SCAF8: variants seen among roughly 807,000 people sequenced by gnomAD.
The protein encoded by SCAF8 is SR-related CTD associated factor 8, also known as SR-related and CTD-associated factor 8.
SCAF8 carries 23 observed loss-of-function variants against 140.5 expected under a neutral mutation model. That is an observed-to-expected ratio of 0.16 (90% CI 0.12 to 0.23). The LOEUF (loss-of-function observed/expected upper bound fraction) is 0.23. SCAF8 is among the 10% of genes least tolerant of loss of function. SCAF8 has a pLI of 1.00. For missense variants in SCAF8, 1,397 were observed against 1,555.7 expected, an observed-to-expected ratio of 0.90 and a Z score of 1.72; for synonymous variants, 575 against 528.9, an observed-to-expected ratio of 1.09 and a Z score of -1.20.
At chr6:154,815,189 C>T (rs929489455) in intron 12 of SCAF8, among the ~76,000 whole-genome samples, 7 of 151,984 alleles carry the variant, frequency 4.6e-5, no homozygotes, top group East Asian at 3.9e-4. Context: ...CCTAGCTACT[C>T]GGGAGACTGA....
intron 6 of SCAF8, among the ~76,000 whole-genome samples, chr6:154,800,376 A>G (rs369104108): frequency 2.6e-4 from 39 of 151,686 alleles, no homozygotes; most frequent in African/African-American, 9.2e-4. Flanking sequence ...GATACAAAGG[A>G]TATTGTAGAG....
Position 154,733,910 on chromosome 6 carries a change from G to A in SCAF8, c.10G>A (p.Val4Met), listed in dbSNP as rs1778334821. ...CCTCCGCAGCGACAACATGGAGGCC[G>A]TGAAGACCTTCAATAGCGAGGTTGG... The part of the protein sequence containing the change: MEA[V>M]KTFNSELYSL... Residue 4 changes from valine (V) to methionine (M), a missense_variant, in exon 1 of 20, where the codon GTG becomes ATG. Physicochemically the swap from Val to Met is conservative, Grantham distance 21. Around this residue, in one of 5 missense-constraint regions of SCAF8, gnomAD observed 26 missense variants for 20.9 expected, o/e 1.25. Coordinates refer to ENST00000367178, the MANE Select transcript of SCAF8 (RefSeq NM_014892.5). 2 of 1,541,940 alleles carry A rather than the reference G, an allele frequency of 1.3e-6. No individual in the cohort carries two copies. Among genetic ancestry groups the A allele is most frequent in the Admixed American group, 2.2e-5 (1 of 45,450 alleles).
In SCAF8 at chr6:154,801,923, A is replaced by G. The variant is rs777034742; in HGVS notation, c.607-48A>G. The G allele has an allele frequency of 4.2e-6, 6 of 1,413,510 alleles. No homozygotes were observed. The Admixed American group carries it at 9.3e-5, about 22-fold the overall frequency. The allele number at this position is 1,413,510 out of a possible 1,614,324, so 87.6% of individuals were successfully genotyped here. Reference sequence around the variant, plus strand: ...AAAAGTTTTAGGTGGCCACTCTTACAGAAAAAACCCAACACCTGTTTTGTA... The same window carrying G: ...AAAAGTTTTAGGTGGCCACTCTTACGGAAAAAACCCAACACCTGTTTTGTA... On this transcript the variant is annotated intron_variant, in intron 6 of 19. Transcript: ENST00000367178.
chr6:154,801,946 G>T (rs1777783577), intron 6 of SCAF8, 25 bp from the exon 7 acceptor site: 1 of 1,534,746 alleles, frequency 6.5e-7, no homozygotes, highest in Non-Finnish European at 8.8e-7. Flanking sequence ...CACCTGTTTT[G>T]TAATATATAT....
intron 1 of SCAF8, among the ~76,000 whole-genome samples, chr6:154,736,400 A>T (rs1258885479): frequency 6.6e-6 from 1 of 150,404 alleles, no homozygotes; most frequent in Non-Finnish European, 1.5e-5. Context: ...CCTCCGGAGT[A>T]GCTGGGATTA....
chr6:154,832,181 C>T lies in SCAF8; in HGVS notation c.2602C>T (p.Leu868Phe). 1 of 1,614,084 alleles carries T rather than the reference C, an allele frequency of 6.2e-7. No homozygotes were observed. The change falls in exon 20 of 20, where the codon CTT (leucine) becomes TTT (phenylalanine). Residue 868 changes from leucine (L) to phenylalanine (F), a missense_variant. Around this residue, in one of 5 missense-constraint regions of SCAF8, gnomAD observed 930 missense variants for 874.6 expected, o/e 1.06. Transcript: ENST00000367178. The stretch of plus-strand genomic sequence containing the variant: ...ACCCAGTGTGTCAAATAGTTCTGGA[C>T]TTTTGGGAGTGCTACCCCCAAATAT... ...QPPSVSNSSGLLGVLPPNIPN... is the reference protein window; with the variant it reads ...QPPSVSNSSGFLGVLPPNIPN...
intron 10 of SCAF8, among the ~76,000 whole-genome samples, chr6:154,808,425 A>G (rs774751040): frequency 3.3e-5 from 5 of 151,316 alleles, no homozygotes; most frequent in Non-Finnish European, 7.4e-5. Context: ...AAATTTGTAA[A>G]CTTTCTTAAA....
chr6:154,816,575 TATCCATCC>T (rs201144038), intron 13 of SCAF8, among the ~76,000 whole-genome samples: 5 of 152,112 alleles, frequency 3.3e-5, no homozygotes, highest in African/African-American at 1.2e-4. Flanking sequence ...GGGAGACATT[TATCCATCC>T]ATCCATCCAT....
intron 12 of SCAF8, among the ~76,000 whole-genome samples, chr6:154,812,199 T>TTTTA (rs1554263070): frequency 1.6e-5 from 2 of 125,408 alleles, no homozygotes; most frequent in South Asian, 5.2e-4. Context: ...TTTTTTTTTT[T>TTTTA]AAATAGGTTG....
At chr6:154,828,776 A>G (rs1778642914) in intron 18 of SCAF8, among the ~76,000 whole-genome samples, 1 of 152,200 alleles carries the variant, frequency 6.6e-6, no homozygotes, top group Non-Finnish European at 1.5e-5. Flanking sequence ...TTAGTGGACA[A>G]AACTAGAAAA....
In SCAF8 at chr6:154,738,895, C is replaced by T. The variant is rs546683518; in HGVS notation, c.30+4965C>T. Among the ~76,000 whole-genome samples, 241 of 152,138 alleles carry T rather than the reference C, an allele frequency of 1.6e-3. 1 individual carries two copies. The highest frequency in any genetic ancestry group is 2.8e-3 in the Admixed American group (43 of 15,284). ...ATCTTGTTCTATTGTTTTTTTGTTTCCTTTTTTGTTTCTTTGAAAAGGGGT... is the reference window on the plus strand; with the variant it reads ...ATCTTGTTCTATTGTTTTTTTGTTTTCTTTTTTGTTTCTTTGAAAAGGGGT... On this transcript the variant is annotated intron_variant, in intron 1 of 19. Coordinates refer to ENST00000367178, the MANE Select transcript of SCAF8 (RefSeq NM_014892.5).
intron 12 of SCAF8, among the ~76,000 whole-genome samples, chr6:154,811,809 A>G (rs1015337115): frequency 1.3e-5 from 2 of 150,012 alleles, no homozygotes; most frequent in African/African-American, 4.9e-5. Context: ...TGTCCTTGTG[A>G]TAGTTTGCTG....
At chr6:154,759,583 C>T (rs1460518022) in intron 1 of SCAF8, among the ~76,000 whole-genome samples, 2 of 151,762 alleles carry the variant, frequency 1.3e-5, no homozygotes, top group African/African-American at 4.8e-5. Flanking sequence ...TTGGATTCGT[C>T]ACAATAATCT....
At chr6:154,828,593 G>C (rs1778637976) in intron 18 of SCAF8, among the ~76,000 whole-genome samples, 1 of 151,962 alleles carries the variant, frequency 6.6e-6, no homozygotes, top group Non-Finnish European at 1.5e-5. Flanking sequence ...TGTCACATTA[G>C]TTTTGAGAGC....
In SCAF8 at chr6:154,733,848, G is replaced by C. The variant is rs756665819; in HGVS notation, c.-53G>C. 6.2e-5 allele frequency: 96 copies of C among 1,541,508 alleles called. No homozygotes were observed. The African/African-American group carries it at 1.1e-3, about 18-fold the overall frequency. On this transcript the variant is annotated 5_prime_UTR_variant, in exon 1 of 20. Transcript: ENST00000367178. ...CCGCGTCTCGCTCTCCCCACCCAGT[G>C]CAGTGGCCGCCGCCTCTTCCGCCGC... is the stretch of plus-strand genomic sequence containing the variant.
chr6:154,818,665 T>C (rs1191097597), intron 14 of SCAF8, 73 bp downstream of exon 14: 7 of 647,010 alleles, frequency 1.1e-5, no homozygotes, highest in Non-Finnish European at 1.9e-5. Flanking sequence ...AAGTCTGAGT[T>C]TTTCACAAGA....
In SCAF8 at chr6:154,830,116, G is replaced by A. The variant is rs375539464; in HGVS notation, c.2141-806G>A. 4.3e-4 allele frequency among the ~76,000 whole-genome samples: 65 copies of A among 152,308 alleles called. 1 individual carries two copies. The South Asian group carries it at 0.013, about 30-fold the overall frequency. ...GTTAATTAATGGAAAAAGAGAAATA[G>A]TTGTGTGCCAGATGCTATCCAAATT... On this transcript the variant is annotated intron_variant, in intron 18 of 19. Coordinates refer to ENST00000367178, the MANE Select transcript of SCAF8 (RefSeq NM_014892.5).
At chr6:154,745,820 A>G (rs1257782111) in intron 1 of SCAF8, among the ~76,000 whole-genome samples, 2 of 152,042 alleles carry the variant, frequency 1.3e-5, no homozygotes, top group African/African-American at 2.4e-5. Context: ...ATTCTCTACA[A>G]GCTTTCCCAT....
intron 12 of SCAF8, among the ~76,000 whole-genome samples, chr6:154,815,300 A>AAAAT (rs1438992141): frequency 6.6e-6 from 1 of 152,324 alleles, no homozygotes; most frequent in Non-Finnish European, 1.5e-5. Context: ...CCGTCTCAAA[A>AAAAT]AAATAAATAA....
Sources: allele counts gnomAD v4.1 joint callset (sites outside exome capture counted in the v4.1 genomes callset), GRCh38; gene constraint gnomAD v4.1.1; regional missense constraint gnomAD v4.1.1; transcripts MANE v1.5; gene names NCBI Gene and HGNC (gene_info 2026-07-23, HGNC 2026-07-21).